The following RNF213 variants were observed in gnomAD, a reference collection of about 807,000 sequenced individuals.
RNF213 encodes ring finger protein 213.
Under a neutral mutation model 514.4 loss-of-function variants are expected in RNF213, and 341 were observed. The observed-to-expected ratio is 0.66, with a 90% CI of 0.61 to 0.73. The LOEUF is 0.73. RNF213 is among the 30% of genes least tolerant of loss of function. RNF213 has a pLI of 0.00. For missense variants in RNF213, 5,767 were observed against 6,615.6 expected (o/e 0.87, Z 4.45); for synonymous variants, 2,655 against 2,658.2 (o/e 1.00, Z 0.04).
intron 55 of RNF213, 99 bp from the exon 56 acceptor site, chr17:80,380,732 C>T: frequency 7.3e-7 from 1 of 1,371,814 alleles, no homozygotes; most frequent in African/African-American, 1.4e-5. Context: ...TCACATAACT[C>T]TCTTCTCAGC....
chr17:80,332,379 G>A lies in RNF213; in HGVS notation c.3891G>A (p.Glu1297=), dbSNP rs1485541287. The A allele has an allele frequency of 6.5e-7, 1 of 1,537,142 alleles. No homozygotes were observed. Among genetic ancestry groups the A allele is most frequent in the South Asian group, 1.2e-5 (1 of 84,060 alleles). ...IKLHQDLKSG[E]VTLAEIDVIF... ...TGCACCAGGATCTAAAGTCAGGAGA[G>A]GTCACCCTTGCAGAGATTGATGTCA... Residue 1297 remains glutamate, a synonymous_variant, in exon 21 of 68, where the codon GAG becomes GAA. Coordinates refer to ENST00000582970, the MANE Select transcript of RNF213 (RefSeq NM_001256071.3).
chr17:80,287,779 C>G lies in RNF213; in HGVS notation c.262-36C>G, dbSNP rs748566995. The G allele has an allele frequency of 1.4e-5, 23 of 1,606,208 alleles. No homozygotes were observed. In the Admixed American group the frequency reaches 3.8e-4, roughly 27 times the overall value. On this transcript the variant is annotated intron_variant, in intron 3 of 67. Transcript: ENST00000582970. ...AAACACGGGCTAGAGTAGAGTAAAT[C>G]TAAGAAATAAAGTGAGTGTCTCTCT...
At chr17:80,366,335 G>T (rs2079273218) in intron 42 of RNF213, among the ~76,000 whole-genome samples, 1 of 152,064 alleles carries the variant, frequency 6.6e-6, no homozygotes. Flanking sequence ...TTTCCACGGG[G>T]GCTGCAGCAT....
chr17:80,312,929 A>G, intron 14 of RNF213, 83 bp from the exon 15 acceptor site: 1 of 1,507,858 alleles, frequency 6.6e-7, no homozygotes, highest in Non-Finnish European at 9.2e-7. Flanking sequence ...GCCAGCAGGG[A>G]GGAGAGGAGG....
chr17:80,339,191 G>GCCT lies in RNF213; in HGVS notation c.4834-8_4834-6dup. On this transcript the variant is annotated splice_polypyrimidine_tract_variant and intron_variant, in intron 25 of 67. Coordinates refer to ENST00000582970, the MANE Select transcript of RNF213 (RefSeq NM_001256071.3). Reference sequence around the variant, plus strand: ...CTCTGTGAGCCAACCTCATGGTTCTGCCTCTCCAGGTCTTCTGCAGTGTGC... The same window carrying GCCT: ...CTCTGTGAGCCAACCTCATGGTTCTGCCTCCTCTCCAGGTCTTCTGCAGTGTGC... 1 of 1,463,598 alleles carries GCCT rather than the reference G, an allele frequency of 6.8e-7. No individual in the cohort carries two copies. Among genetic ancestry groups the GCCT allele is most frequent in the Non-Finnish European group, 9.0e-7 (1 of 1,109,796 alleles). 90.7% of individuals were successfully genotyped at this position (1,463,598 alleles called of 1,614,324 possible). A position where few individuals can be genotyped will look rare whatever the true frequency, so the allele number is the denominator to read the frequency against.
intron 38 of RNF213, among the ~76,000 whole-genome samples, 162 bp from the exon 39 acceptor site, chr17:80,361,572 T>C (rs4078429): frequency 0.098 from 14,847 of 152,208 alleles, 1,193 homozygotes; most frequent in African/African-American, 0.22. Flanking sequence ...ACAGTGACTA[T>C]TCCTTCAATT....
At chr17:80,282,210 A>G (rs1290897931) in intron 3 of RNF213, among the ~76,000 whole-genome samples, 6 of 152,086 alleles carry the variant, frequency 3.9e-5, no homozygotes, top group Non-Finnish European at 8.8e-5. Flanking sequence ...AGGCATCTGT[A>G]TGACATAGAT....
At chr17:80,319,914 G>A in intron 17 of RNF213, 2 of 1,060,128 alleles carry the variant, frequency 1.9e-6, no homozygotes, top group Non-Finnish European at 2.3e-6. Flanking sequence ...CACAGGGGAA[G>A]TCCAGAAACA....
At position 80,331,086 on chromosome 17, in the gene RNF213, T is replaced by C. The variant is rs78790530; in HGVS notation, c.3518-920T>C. Among the ~76,000 whole-genome samples the C allele has an allele frequency of 9.9e-3, 1,504 of 152,344 alleles. 82 individuals are homozygous for C. The highest frequency in any genetic ancestry group is 0.081 in the Admixed American group (1,234 of 15,306). ...CATCCGCCTCAGCCTCCCAAAGTGC[T>C]GGGATTACGGGCGTGAGCCACTGTG... On this transcript the variant is annotated intron_variant, in intron 20 of 67. Coordinates refer to ENST00000582970, the MANE Select transcript of RNF213 (RefSeq NM_001256071.3).
chr17:80,364,763 G>A (rs924783709), intron 42 of RNF213: 1 of 584,996 alleles, frequency 1.7e-6, no homozygotes, highest in Admixed American at 2.7e-5. Flanking sequence ...TGCTAAGTCA[G>A]AGCATATCAT....
At chr17:80,342,722 GTA>G (rs1188007741) in intron 26 of RNF213, among the ~76,000 whole-genome samples, 2 of 140,082 alleles carry the variant, frequency 1.4e-5, no homozygotes, top group Admixed American at 7.2e-5. Context: ...TATATAGTAT[GTA>G]TATATATATT....
intron 2 of RNF213, among the ~76,000 whole-genome samples, chr17:80,270,618 A>G (rs1165528896): frequency 6.6e-6 from 1 of 152,204 alleles, no homozygotes; most frequent in Admixed American, 6.5e-5. Context: ...CATGGCAGGC[A>G]TCTCTTTGGA....
intron 40 of RNF213, 30 bp from the exon 41 acceptor site, chr17:80,363,579 T>C (rs758517695): frequency 2.5e-6 from 4 of 1,611,440 alleles, no homozygotes; most frequent in Non-Finnish European, 3.4e-6. Flanking sequence ...GGGGCACCGC[T>C]CAGCCACGCC....
In RNF213 at chr17:80,306,430, T is replaced by C. The variant is rs151033150; in HGVS notation, c.2389T>C (p.Tyr797His). The change falls in exon 12 of 68, where the codon TAC (tyrosine) becomes CAC (histidine). Residue 797 changes from tyrosine (Y) to histidine (H), a missense_variant. Physicochemically the swap from Tyr to His is moderately conservative, Grantham distance 83. This residue lies in a region of RNF213 where 592 missense variants were observed against 673.9 expected (regional missense o/e 0.88). Coordinates refer to ENST00000582970, the MANE Select transcript of RNF213 (RefSeq NM_001256071.3). Reference sequence around the variant, plus strand: ...CCTGGACTGTCTTTCAGGGATTTACTACCGGCTTCCGGGACTTGAGCAAGT... The same window carrying C: ...CCTGGACTGTCTTTCAGGGATTTACCACCGGCTTCCGGGACTTGAGCAAGT... ...HILDCLSGIY[Y>H]RLPGLEQVLN... is the part of the protein sequence containing the mutation. 6.2e-6 allele frequency: 10 copies of C among 1,614,084 alleles called. No homozygotes were observed. Among genetic ancestry groups the C allele is most frequent in the Non-Finnish European group, 7.6e-6 (9 of 1,180,042 alleles).
At position 80,291,262 on chromosome 17, in the gene RNF213, A is replaced by ATT. The variant is rs57271953; in HGVS notation, c.1272-350_1272-349dup. Among the ~76,000 whole-genome samples, 462 of 137,374 alleles carry ATT rather than the reference A, an allele frequency of 3.4e-3. 3 individuals are homozygous for ATT. Among genetic ancestry groups the ATT allele is most frequent in the African/African-American group, 8.8e-3 (328 of 37,160 alleles). The allele number at this position is 137,374 out of a possible 152,430, so 90.1% of individuals were successfully genotyped here. The stretch of plus-strand genomic sequence containing the variant: ...AAGTATTCTTTCTTTCTTTCTTATA[A>ATT]TTTTTTTTTTTTTTTTTAGAGAGGG... On this transcript the variant is annotated intron_variant, in intron 7 of 67. Coordinates refer to ENST00000582970, the MANE Select transcript of RNF213 (RefSeq NM_001256071.3).
Position 80,327,813 on chromosome 17 carries a change from C to T in RNF213, c.3194-3C>T. 6.5e-7 allele frequency: 1 copy of T among 1,535,314 alleles called. No homozygotes were observed. The highest frequency in any genetic ancestry group is 1.4e-5 in the African/African-American group (1 of 73,134). Reference sequence around the variant, plus strand: ...GTGTTAACTGTGTTCTTCATCTATTCAGGAACCGACGAGAAAATACTAGCA... The same window carrying T: ...GTGTTAACTGTGTTCTTCATCTATTTAGGAACCGACGAGAAAATACTAGCA... On this transcript the variant is annotated splice_region_variant and splice_polypyrimidine_tract_variant and intron_variant, in intron 18 of 67. Transcript: ENST00000582970.
chr17:80,345,296 C>T lies in RNF213; in HGVS notation c.6961C>T (p.His2321Tyr). The stretch of plus-strand genomic sequence containing the variant: ...CACAACCATGACATTCATCGGCTTC[C>T]ATCTGCAGCCCAACATCAACGGCAG... ...DHTTMTFIGF[H>Y]LQPNINGSVD... Residue 2321 changes from histidine to tyrosine, a missense_variant, in exon 29 of 68, where the codon CAT (histidine) becomes TAT (tyrosine). His to Tyr is a moderately conservative substitution (Grantham distance 83). Transcript: ENST00000582970. The surrounding 1 kb of genome is among the most constrained non-coding windows in gnomAD (Gnocchi z 6.0). 2 of 1,614,144 alleles carry T rather than the reference C, an allele frequency of 1.2e-6. No homozygotes were observed. The highest frequency in any genetic ancestry group is 1.7e-6 in the Non-Finnish European group (2 of 1,180,038).
chr17:80,262,051 T>C (rs1299128366), intron 1 of RNF213, among the ~76,000 whole-genome samples: 1 of 152,124 alleles, frequency 6.6e-6, no homozygotes, highest in Non-Finnish European at 1.5e-5. Flanking sequence ...TTTTCTGGTC[T>C]GTGGTTCCCC....
In RNF213 at chr17:80,353,892, C is replaced by T. The variant is rs902897817; in HGVS notation, c.10579-127C>T. The T allele has an allele frequency of 1.9e-5, 26 of 1,350,016 alleles. No individual in the cohort carries two copies. The highest frequency in any genetic ancestry group is 7.3e-5 in the East Asian group (3 of 41,260). The allele number at this position is 1,350,016 out of a possible 1,614,324, so 83.6% of individuals were successfully genotyped here. On this transcript the variant is annotated intron_variant, in intron 34 of 67. Coordinates refer to ENST00000582970, the MANE Select transcript of RNF213 (RefSeq NM_001256071.3). The surrounding 1 kb of genome is among the most constrained non-coding windows in gnomAD (Gnocchi z 5.0). Reference sequence around the variant, plus strand: ...TGCAGGGCGGAGGTCGGCGTCTCTTCTTTGTCCGTGAGGACCGCCGCCCTG... The same window carrying T: ...TGCAGGGCGGAGGTCGGCGTCTCTTTTTTGTCCGTGAGGACCGCCGCCCTG...
Sources: gnomAD v4.1 joint callset for allele counts (sites outside exome capture counted in the v4.1 genomes callset) on GRCh38, gnomAD v4.1.1 for gene constraint, gnomAD v4.1.1 regional missense constraint, Gnocchi (gnomAD v3.1) non-coding constraint, MANE v1.5 for transcripts, NCBI Gene and HGNC (gene_info 2026-07-23, HGNC 2026-07-21) for gene names.